Variants in NEDD4L observed in about 807,000 individuals in gnomAD.
NEDD4L encodes NEDD4 like E3 ubiquitin protein ligase.
NEDD4L carries 54 observed loss-of-function variants against 148.9 expected under a neutral mutation model. The observed-to-expected ratio is 0.36, with a 90% CI of 0.29 to 0.45. The LOEUF is 0.45. NEDD4L is among the 20% of genes least tolerant of loss of function. The pLI, the probability that NEDD4L is intolerant of heterozygous loss-of-function variation, is 1.00. For synonymous variants in NEDD4L, 433 were observed against 440.7 expected (o/e 0.98, Z 0.22); for missense variants, 856 against 1,233.8 (o/e 0.69, Z 4.59).
intron 1 of NEDD4L, among the ~76,000 whole-genome samples, chr18:58,077,726 A>G (rs969972696): frequency 1.3e-5 from 2 of 152,198 alleles, no homozygotes; most frequent in Admixed American, 6.5e-5. Flanking sequence ...CTTCATAGCT[A>G]ATCCTCACCT....
chr18:58,136,782 T>G (rs1292070924), intron 1 of NEDD4L, among the ~76,000 whole-genome samples: 1 of 152,134 alleles, frequency 6.6e-6, no homozygotes, highest in African/African-American at 2.4e-5. Flanking sequence ...TGGGTACTCT[T>G]TTTTTGTTTC....
At chr18:58,303,350 T>C (rs2056721830) in intron 5 of NEDD4L, among the ~76,000 whole-genome samples, 1 of 152,204 alleles carries the variant, frequency 6.6e-6, no homozygotes, top group African/African-American at 2.4e-5. Context: ...GGCATTTTGC[T>C]CCTCTGGGCT....
intron 5 of NEDD4L, among the ~76,000 whole-genome samples, chr18:58,261,725 G>A (rs1010753005): frequency 6.6e-6 from 1 of 152,202 alleles, no homozygotes; most frequent in Non-Finnish European, 1.5e-5. Flanking sequence ...TTTCTGTATA[G>A]TTGAGGCGAA....
intron 2 of NEDD4L, among the ~76,000 whole-genome samples, chr18:58,215,604 T>C: frequency 6.6e-6 from 1 of 152,228 alleles, no homozygotes; most frequent in East Asian, 1.9e-4. Context: ...CTTTTCTTTG[T>C]TGACTTGGAA....
rs560432891 is a variant in NEDD4L, at chr18:58,385,953, C to T, written c.2487+367C>T. ...TGCTGCAGTGACAGGTTCCAAGAAGCCCGAGGGCTCAGAGCTGAATGATGA... is the reference window on the plus strand; with the variant it reads ...TGCTGCAGTGACAGGTTCCAAGAAGTCCGAGGGCTCAGAGCTGAATGATGA... On this transcript the variant is annotated intron_variant, in intron 26 of 30. Coordinates refer to ENST00000400345, the MANE Select transcript of NEDD4L (RefSeq NM_001144967.3). Among the ~76,000 whole-genome samples, 7 of 152,136 alleles carry T rather than the reference C, an allele frequency of 4.6e-5. No homozygotes were observed. The East Asian group carries it at 1.2e-3, about 25-fold the overall frequency.
At chr18:58,232,986 C>G (rs1289143064) in intron 2 of NEDD4L, among the ~76,000 whole-genome samples, 6 of 152,186 alleles carry the variant, frequency 3.9e-5, no homozygotes. Flanking sequence ...GATCCTTTAC[C>G]TGCCATTTCT....
intron 2 of NEDD4L, among the ~76,000 whole-genome samples, chr18:58,244,752 G>A (rs2047049657): frequency 6.6e-6 from 1 of 152,292 alleles, no homozygotes; most frequent in East Asian, 1.9e-4. Context: ...CTGGAGTGCA[G>A]TAGTGTGATC....
In NEDD4L at chr18:58,245,517, C is replaced by T. The variant is rs771425025; in HGVS notation, c.204+9C>T. 7.0e-6 allele frequency: 10 copies of T among 1,427,360 alleles called. No individual in the cohort carries two copies. The highest frequency in any genetic ancestry group is 4.7e-5 in the East Asian group (2 of 42,786). 88.4% of individuals were successfully genotyped at this position (1,427,360 alleles called of 1,614,324 possible). A position where few individuals can be genotyped will look rare whatever the true frequency, so the allele number is the denominator to read the frequency against. ...CAAAAACAATTAAAAAGGTAGGTGTCGATCTTTAACCAAATGTCATTTAAG... is the reference window on the plus strand; with the variant it reads ...CAAAAACAATTAAAAAGGTAGGTGTTGATCTTTAACCAAATGTCATTTAAG... On this transcript the variant is annotated intron_variant, in intron 3 of 30. Coordinates refer to ENST00000400345, the MANE Select transcript of NEDD4L (RefSeq NM_001144967.3).
At chr18:58,379,536 C>T (rs368085719) in intron 24 of NEDD4L, among the ~76,000 whole-genome samples, 3 of 152,228 alleles carry the variant, frequency 2.0e-5, no homozygotes, top group East Asian at 3.9e-4. Context: ...AATGAAGGCC[C>T]GCAGGGAATC....
intron 2 of NEDD4L, among the ~76,000 whole-genome samples, chr18:58,241,643 C>CT (rs199983730): frequency 0.021 from 3,227 of 152,052 alleles, 58 homozygotes; most frequent in Middle Eastern, 0.041. Flanking sequence ...CTGCTGACTG[C>CT]TTTTTTCCTG....
intron 1 of NEDD4L, among the ~76,000 whole-genome samples, chr18:58,157,473 C>T (rs2035646755): frequency 1.3e-5 from 2 of 152,172 alleles, no homozygotes; most frequent in Admixed American, 6.5e-5. Context: ...CGTACACACA[C>T]ACACACCCTT....
At chr18:58,291,121 CACGTGGTCACACAGAGAACCAGG>C (rs2054669779) in intron 5 of NEDD4L, among the ~76,000 whole-genome samples, 4 of 151,100 alleles carry the variant, frequency 2.6e-5, no homozygotes, top group East Asian at 3.9e-4. Flanking sequence ...CCGACCGACC[CACGTGGTCACACAGAGAACCAGG>C]CCGACCAGCC....
intron 1 of NEDD4L, among the ~76,000 whole-genome samples, chr18:58,090,587 C>G (rs564052448): frequency 6.6e-6 from 1 of 152,344 alleles, no homozygotes; most frequent in Non-Finnish European, 1.5e-5. Flanking sequence ...AAGCGATTCT[C>G]CTGCCTCAGC....
At chr18:58,151,625 A>ATGTGTGTGTGTGTG (rs113714456) in intron 1 of NEDD4L, among the ~76,000 whole-genome samples, 5,954 of 140,952 alleles carry the variant, frequency 0.042, 174 homozygotes, top group Middle Eastern at 0.056. Flanking sequence ...GTGCCTGGAT[A>ATGTGTGTGTGTGTG]TGTGTGTGTG....
intron 3 of NEDD4L, among the ~76,000 whole-genome samples, chr18:58,246,712 G>C (rs777421095): frequency 6.6e-6 from 1 of 152,120 alleles, no homozygotes; most frequent in African/African-American, 2.4e-5. Flanking sequence ...TGATCCACCC[G>C]CCTTAGCCTC....
At chr18:58,394,283 A>G (rs953452045) in intron 30 of NEDD4L, among the ~76,000 whole-genome samples, 2 of 152,222 alleles carry the variant, frequency 1.3e-5, no homozygotes, top group Admixed American at 6.5e-5. Flanking sequence ...TTTACAGATA[A>G]CACTGGGATG....
chr18:58,220,479 C>T (rs1294248425), intron 2 of NEDD4L, among the ~76,000 whole-genome samples: 1 of 152,132 alleles, frequency 6.6e-6, no homozygotes, highest in African/African-American at 2.4e-5. Context: ...AACCCTGGTG[C>T]CCACTTGCTC....
chr18:58,287,393 G>A (rs977478550), intron 5 of NEDD4L, among the ~76,000 whole-genome samples: 3 of 152,136 alleles, frequency 2.0e-5, no homozygotes, highest in African/African-American at 7.2e-5. Context: ...GGAGCATACC[G>A]TTTGTCTTCT....
At chr18:58,099,644 G>C (rs971121144) in intron 1 of NEDD4L, among the ~76,000 whole-genome samples, 3 of 152,218 alleles carry the variant, frequency 2.0e-5, no homozygotes, top group Admixed American at 1.3e-4. Flanking sequence ...CACAACACCA[G>C]CGGGTGCTGT....
Sources: allele counts gnomAD v4.1 joint callset (sites outside exome capture counted in the v4.1 genomes callset), GRCh38; gene constraint gnomAD v4.1.1; transcripts MANE v1.5; gene names NCBI Gene and HGNC (gene_info 2026-07-23, HGNC 2026-07-21).